The following ST3GAL3 variants were observed in gnomAD, a reference collection of about 807,000 sequenced individuals.
ST3GAL3 encodes the protein ST3 beta-galactoside alpha-2,3-sialyltransferase 3.
In ST3GAL3, 21 loss-of-function variants were observed where a neutral mutation model predicts 50.1. That is an observed-to-expected ratio of 0.42 (90% CI 0.30 to 0.60). The LOEUF (loss-of-function observed/expected upper bound fraction) is 0.60, where lower values mean the gene tolerates loss of function less well. ST3GAL3 is among the 20% of genes least tolerant of loss of function. The probability of loss-of-function intolerance (pLI) is 0.19; values close to 1 mark genes in which losing one functional copy is unlikely to be tolerated. For synonymous variants in ST3GAL3, 183 were observed against 190.0 expected, an observed-to-expected ratio of 0.96 and a Z score of 0.30; for missense variants, 353 against 489.4, an observed-to-expected ratio of 0.72 and a Z score of 2.63.
At chr1:43,906,632 T>A (rs2079812974) in intron 9 of ST3GAL3, among the ~76,000 whole-genome samples, 1 of 150,668 alleles carries the variant, frequency 6.6e-6, no homozygotes. Context: ...TTCCTGCCAC[T>A]CTTCCCCCTC....
At chr1:43,809,851 G>C (rs1380713404) in intron 3 of ST3GAL3, among the ~76,000 whole-genome samples, 3 of 151,824 alleles carry the variant, frequency 2.0e-5, no homozygotes, top group Non-Finnish European at 4.4e-5. Flanking sequence ...AACTTAGCCA[G>C]GCGTGGTGTT....
chr1:43,723,369 A>G (rs1042618939), intron 1 of ST3GAL3, among the ~76,000 whole-genome samples: 3 of 151,994 alleles, frequency 2.0e-5, no homozygotes, highest in African/African-American at 7.2e-5. Flanking sequence ...TCGGCCTCCC[A>G]AAGTGCTGGA....
At chr1:43,712,108 G>C (rs1198636217) in intron 1 of ST3GAL3, among the ~76,000 whole-genome samples, 5 of 152,136 alleles carry the variant, frequency 3.3e-5, no homozygotes, top group African/African-American at 1.2e-4. Flanking sequence ...TTATTTTTGA[G>C]CCTAAGTTTC....
chr1:43,708,352 G>A (rs1189336002), intron 1 of ST3GAL3, among the ~76,000 whole-genome samples: 4 of 152,142 alleles, frequency 2.6e-5, no homozygotes, highest in African/African-American at 7.2e-5. Context: ...TCACGTATGA[G>A]GAAGGAGTGA....
intron 1 of ST3GAL3, among the ~76,000 whole-genome samples, chr1:43,717,209 C>T (rs1005462248): frequency 1.3e-5 from 2 of 152,172 alleles, no homozygotes; most frequent in African/African-American, 4.8e-5. Context: ...CACGAATCAC[C>T]CTGCTCCTTG....
chr1:43,818,277 A>AC (rs1167024354), intron 4 of ST3GAL3, among the ~76,000 whole-genome samples: 17 of 152,164 alleles, frequency 1.1e-4, no homozygotes, highest in South Asian at 2.1e-4. Flanking sequence ...ATAAACCTAC[A>AC]CCCCCAAAGC....
At chr1:43,833,171 C>T (rs1186441600) in intron 4 of ST3GAL3, among the ~76,000 whole-genome samples, 1 of 152,178 alleles carries the variant, frequency 6.6e-6, no homozygotes, top group Non-Finnish European at 1.5e-5. Context: ...CCTCAGGAAT[C>T]ACTGTCAATG....
chr1:43,844,086 G>A (rs185350520), intron 5 of ST3GAL3, among the ~76,000 whole-genome samples: 321 of 152,312 alleles, frequency 2.1e-3, no homozygotes, highest in African/African-American at 7.3e-3. Context: ...TAAAGGATAC[G>A]GATGAACAGC....
intron 2 of ST3GAL3, among the ~76,000 whole-genome samples, chr1:43,768,529 C>G (rs1352967215): frequency 6.6e-6 from 1 of 152,144 alleles, no homozygotes; most frequent in African/African-American, 2.4e-5. Flanking sequence ...GAAATTGAAG[C>G]ACAAGTGCCA....
chr1:43,752,764 A>C (rs895489094), intron 2 of ST3GAL3, among the ~76,000 whole-genome samples: 6 of 152,124 alleles, frequency 3.9e-5, no homozygotes, highest in Non-Finnish European at 7.3e-5. Flanking sequence ...CAGACTCCCA[A>C]ACTGCTGGCA....
chr1:43,783,843 C>T (rs928437158), intron 2 of ST3GAL3, among the ~76,000 whole-genome samples: 2 of 152,198 alleles, frequency 1.3e-5, no homozygotes, highest in African/African-American at 2.4e-5. Flanking sequence ...TGTCCTGCCC[C>T]TGATCTGCAC....
chr1:43,880,300 C>T (rs1256217074), intron 5 of ST3GAL3, among the ~76,000 whole-genome samples: 4 of 152,188 alleles, frequency 2.6e-5, no homozygotes, highest in Non-Finnish European at 4.4e-5. Context: ...TCTACACCCT[C>T]ACACTACAAC....
intron 5 of ST3GAL3, among the ~76,000 whole-genome samples, chr1:43,878,489 T>C (rs2074502842): frequency 1.3e-5 from 2 of 152,126 alleles, no homozygotes. Context: ...GAGTAAAGAC[T>C]GGAAGGAGGC....
In ST3GAL3 at chr1:43,717,871, AT is replaced by A. The variant is rs112419060; in HGVS notation, c.-31+10192del. ...GAACAAATAATTATACCTATCATGA[AT>A]TTTTTTTTTTTTTAAATGAGACGGA... is the stretch of plus-strand genomic sequence containing the variant. On this transcript the variant is annotated intron_variant, in intron 1 of 11. Transcript: ENST00000347631. Among the ~76,000 whole-genome samples the A allele has an allele frequency of 9.5e-3, 1,383 of 145,518 alleles. 14 individuals are homozygous for A. The highest frequency in any genetic ancestry group is 0.025 in the African/African-American group (997 of 39,934).
At chr1:43,811,007 G>A (rs2060495105) in intron 3 of ST3GAL3, among the ~76,000 whole-genome samples, 1 of 152,128 alleles carries the variant, frequency 6.6e-6, no homozygotes, top group African/African-American at 2.4e-5. Context: ...CTGAGTTAGT[G>A]CAACCAGTAT....
At chr1:43,864,970 AT>A (rs199988736) in intron 5 of ST3GAL3, among the ~76,000 whole-genome samples, 23 of 149,760 alleles carry the variant, frequency 1.5e-4, no homozygotes, top group Non-Finnish European at 2.5e-4. Context: ...CCTTTAAGGG[AT>A]TTTTTTTTCC....
intron 3 of ST3GAL3, among the ~76,000 whole-genome samples, chr1:43,795,360 A>G (rs2058567623): frequency 6.6e-6 from 1 of 152,212 alleles, no homozygotes; most frequent in African/African-American, 2.4e-5. Context: ...TCAGCCTCAA[A>G]TTATAACTGG....
At chr1:43,731,852 A>AT (rs200560788) in intron 1 of ST3GAL3, among the ~76,000 whole-genome samples, 1,690 of 151,932 alleles carry the variant, frequency 0.011, 29 homozygotes, top group African/African-American at 0.039. Flanking sequence ...TTTAAAAAAA[A>AT]TTTTTTGTAG....
intron 3 of ST3GAL3, among the ~76,000 whole-genome samples, chr1:43,803,386 A>G (rs543270020): frequency 6.6e-6 from 1 of 152,018 alleles, no homozygotes; most frequent in South Asian, 2.1e-4. Flanking sequence ...AAAAAAAAAA[A>G]AGGAATGTGC....
Sources: gnomAD v4.1 joint callset for allele counts (sites outside exome capture counted in the v4.1 genomes callset) on GRCh38, gnomAD v4.1.1 for gene constraint, MANE v1.5 for transcripts, NCBI Gene and HGNC (gene_info 2026-07-23, HGNC 2026-07-21) for gene names.